The following CSMD3 variants were observed in gnomAD, a reference collection of about 807,000 sequenced individuals.
CSMD3 encodes CUB and sushi domain-containing protein 3.
Under a neutral mutation model 435.2 loss-of-function variants are expected in CSMD3, and 177 were observed. The ratio of observed to expected loss-of-function variants is 0.41; its 90% CI spans 0.36 to 0.46. The LOEUF (loss-of-function observed/expected upper bound fraction) is 0.46, where lower values mean the gene tolerates loss of function less well. Ranked by LOEUF, CSMD3 falls within the 20% of genes least tolerant of loss-of-function variation. The pLI is 0.34. For missense variants in CSMD3, 4,265 were observed against 4,504.6 expected (o/e 0.95, Z 1.52); for synonymous variants, 1,656 against 1,520.5 (o/e 1.09, Z -2.07).
intron 4 of CSMD3, among the ~76,000 whole-genome samples, chr8:113,107,466 A>G (rs2090513748): frequency 6.6e-6 from 1 of 152,188 alleles, no homozygotes; most frequent in East Asian, 1.9e-4. Context: ...TCTAGGATCT[A>G]TTATGATACT....
intron 3 of CSMD3, among the ~76,000 whole-genome samples, chr8:113,175,972 AC>A (rs2092340954): frequency 6.6e-6 from 1 of 152,080 alleles, no homozygotes; most frequent in Admixed American, 6.6e-5. Context: ...CTCCAAATTA[AC>A]TTTGATTTAA....
intron 13 of CSMD3, among the ~76,000 whole-genome samples, chr8:112,766,154 T>C (rs968221286): frequency 1.3e-5 from 2 of 151,714 alleles, no homozygotes; most frequent in African/African-American, 2.4e-5. Context: ...ATTTACTTTT[T>C]GAGGGAAAAA....
At chr8:113,336,094 A>G (rs976328272) in intron 1 of CSMD3, among the ~76,000 whole-genome samples, 1 of 151,846 alleles carries the variant, frequency 6.6e-6, no homozygotes, top group Non-Finnish European at 1.5e-5. Flanking sequence ...TTCTTGATGC[A>G]TTATCCATTT....
chr8:112,627,957 G>A (rs1834627255), intron 22 of CSMD3, among the ~76,000 whole-genome samples: 1 of 152,132 alleles, frequency 6.6e-6, no homozygotes, highest in African/African-American at 2.4e-5. Context: ...TTATTCATGT[G>A]CCAGCTACAG....
chr8:112,731,071 T>A (rs375778820), intron 13 of CSMD3, among the ~76,000 whole-genome samples: 2 of 152,162 alleles, frequency 1.3e-5, no homozygotes, highest in Non-Finnish European at 2.9e-5. Context: ...AAGTCCTTTG[T>A]TTGAATTAAT....
chr8:113,319,692 A>AT (rs2093935932), intron 1 of CSMD3, among the ~76,000 whole-genome samples: 2 of 151,874 alleles, frequency 1.3e-5, no homozygotes, highest in South Asian at 4.1e-4. Context: ...TTATCATACT[A>AT]TTTTCTTTTG....
In CSMD3 at chr8:113,400,691, T is replaced by C. The variant is rs968936377; in HGVS notation, c.178+35986A>G. On this transcript the variant is annotated intron_variant, in intron 1 of 70. Coordinates refer to ENST00000297405, the MANE Select transcript of CSMD3 (RefSeq NM_198123.2). ...ATTGTCTCTGTAAGTTAAGCATTGA[T>C]ATGAGTACAAACATGGAAATAAATC... Among the ~76,000 whole-genome samples the C allele has an allele frequency of 3.3e-5, 5 of 151,994 alleles. No individual in the cohort carries two copies. The South Asian group carries it at 1.0e-3, about 32-fold the overall frequency.
chr8:112,829,294 C>T (rs1323810051), intron 12 of CSMD3, among the ~76,000 whole-genome samples: 2 of 152,114 alleles, frequency 1.3e-5, no homozygotes, highest in Non-Finnish European at 2.9e-5. Flanking sequence ...TTCAAATGTG[C>T]ACCAGGTATT....
chr8:112,878,397 C>T (rs1281297756), intron 10 of CSMD3, among the ~76,000 whole-genome samples: 1 of 152,028 alleles, frequency 6.6e-6, no homozygotes, highest in Non-Finnish European at 1.5e-5. Context: ...GAATGGCAAT[C>T]ATAAAAAGTC....
intron 5 of CSMD3, among the ~76,000 whole-genome samples, chr8:113,082,465 C>T (rs2089603417): frequency 6.6e-6 from 1 of 152,070 alleles, no homozygotes; most frequent in Non-Finnish European, 1.5e-5. Context: ...CCAACAGATA[C>T]TATAGATAAA....
intron 30 of CSMD3, among the ~76,000 whole-genome samples, chr8:112,494,870 T>C (rs569679510): frequency 6.6e-6 from 1 of 152,094 alleles, no homozygotes; most frequent in East Asian, 1.9e-4. Context: ...AATAGATAAA[T>C]GTGATTCCTG....
rs374854542 is a variant in CSMD3 at position 112,335,366 on chromosome 8, A to G, written c.7128T>C (p.Asp2376=). The part of the protein sequence containing the change: ...SNQILIKFHS[D]FTTSGFFVLS... ...GCACAAAAAAGCCACTTGTTGTGAA[A>G]TCACTGTGGAATTTGATTAGAATCT... is the stretch of plus-strand genomic sequence containing the variant. The change falls in exon 45 of 71, where the codon GAT becomes GAC. Residue 2376 remains aspartate (D), a synonymous_variant. Coordinates refer to ENST00000297405, the MANE Select transcript of CSMD3 (RefSeq NM_198123.2). 41 of 1,613,938 alleles carry G rather than the reference A, an allele frequency of 2.5e-5. No homozygotes were observed. Among genetic ancestry groups the G allele is most frequent in the Middle Eastern group, 1.6e-4 (1 of 6,080 alleles).
intron 38 of CSMD3, among the ~76,000 whole-genome samples, chr8:112,374,014 G>A (rs1828704576): frequency 6.6e-6 from 1 of 152,056 alleles, no homozygotes; most frequent in Non-Finnish European, 1.5e-5. Context: ...GCCGTGGCTT[G>A]TTTTATACGT....
At chr8:112,442,557 C>A (rs1457859365) in intron 32 of CSMD3, among the ~76,000 whole-genome samples, 2 of 152,108 alleles carry the variant, frequency 1.3e-5, no homozygotes, top group Non-Finnish European at 2.9e-5. Flanking sequence ...ACTTTTACTT[C>A]TTTTCCTTTT....
chr8:112,379,384 G>A (rs924988088), intron 38 of CSMD3, among the ~76,000 whole-genome samples: 1 of 152,062 alleles, frequency 6.6e-6, no homozygotes, highest in Non-Finnish European at 1.5e-5. Context: ...CAAAAGAATC[G>A]CTTGAACCCA....
intron 22 of CSMD3, among the ~76,000 whole-genome samples, chr8:112,598,152 T>A (rs933086705): frequency 3.0e-4 from 43 of 142,588 alleles, no homozygotes; most frequent in African/African-American, 1.1e-3. Flanking sequence ...CTTAAGCTGA[T>A]AAGCAACTTC....
chr8:113,264,404 A>G (rs1275123705), intron 3 of CSMD3, among the ~76,000 whole-genome samples: 1 of 150,726 alleles, frequency 6.6e-6, no homozygotes, highest in African/African-American at 2.4e-5. Context: ...CTATATTTAT[A>G]TATATATATA....
chr8:112,813,883 C>G (rs953401023), intron 12 of CSMD3, among the ~76,000 whole-genome samples: 1 of 152,148 alleles, frequency 6.6e-6, no homozygotes, highest in Non-Finnish European at 1.5e-5. Flanking sequence ...CTGAATCCCA[C>G]GTTGCCATCC....
At chr8:112,930,777 T>C (rs1481375046) in intron 9 of CSMD3, among the ~76,000 whole-genome samples, 1 of 152,112 alleles carries the variant, frequency 6.6e-6, no homozygotes, top group Non-Finnish European at 1.5e-5. Flanking sequence ...AAGACCGATG[T>C]GCATAGCAAC....
Sources: allele counts gnomAD v4.1 joint callset (sites outside exome capture counted in the v4.1 genomes callset), GRCh38; gene constraint gnomAD v4.1.1; transcripts MANE v1.5; gene names NCBI Gene and HGNC (gene_info 2026-07-23, HGNC 2026-07-21).